RFX3: variants seen among roughly 807,000 people sequenced by gnomAD.
The protein encoded by RFX3 is regulatory factor X3, also known as transcription factor RFX3.
RFX3 carries 14 observed loss-of-function variants against 98.6 expected under a neutral mutation model. That is an observed-to-expected ratio of 0.14 (90% CI 0.09 to 0.22). The LOEUF is 0.22. Among genes scored for constraint, RFX3 ranks in the 10% least tolerant of loss-of-function variants. The pLI, the probability that RFX3 is intolerant of heterozygous loss-of-function variation, is 1.00. For missense variants in RFX3, 639 were observed against 926.9 expected, an observed-to-expected ratio of 0.69 and a Z score of 4.03; for synonymous variants, 383 against 328.4, an observed-to-expected ratio of 1.17 and a Z score of -1.80.
chr9:3,283,604 G>A (rs1028751079), intron 7 of RFX3, among the ~76,000 whole-genome samples: 5 of 151,738 alleles, frequency 3.3e-5, no homozygotes, highest in Non-Finnish European at 5.9e-5. Context: ...GAACGTGCAT[G>A]CTTTTACATC....
At chr9:3,482,061 T>C (rs1026540319) in intron 1 of RFX3, among the ~76,000 whole-genome samples, 2 of 151,904 alleles carry the variant, frequency 1.3e-5, no homozygotes, top group African/African-American at 2.4e-5. Context: ...AAGAAAATAA[T>C]TGGACAGCTA....
chr9:3,451,603 G>A (rs2132872209), intron 1 of RFX3, among the ~76,000 whole-genome samples: 1 of 152,202 alleles, frequency 6.6e-6, no homozygotes, highest in South Asian at 2.1e-4. Flanking sequence ...AATTTCTTGT[G>A]CAGAAGCATT....
chr9:3,501,497 G>C (rs187340485), intron 1 of RFX3, among the ~76,000 whole-genome samples: 27 of 147,814 alleles, frequency 1.8e-4, no homozygotes, highest in Non-Finnish European at 3.6e-4. Context: ...TCAACAATTT[G>C]TTTAGCCAAG....
At chr9:3,328,047 T>C (rs1207506273) in intron 4 of RFX3, among the ~76,000 whole-genome samples, 3 of 152,058 alleles carry the variant, frequency 2.0e-5, no homozygotes, top group African/African-American at 7.2e-5. Context: ...GGTATCAGAA[T>C]CAGCATGAAG....
intron 4 of RFX3, among the ~76,000 whole-genome samples, chr9:3,309,493 G>A (rs749964693): frequency 6.6e-6 from 1 of 151,814 alleles, no homozygotes; most frequent in Non-Finnish European, 1.5e-5. Context: ...GAGCCACCCT[G>A]AGGCTTGTGC....
chr9:3,499,106 A>G (rs1176462142), intron 1 of RFX3, among the ~76,000 whole-genome samples: 1 of 152,124 alleles, frequency 6.6e-6, no homozygotes, highest in Non-Finnish European at 1.5e-5. Flanking sequence ...CTAATTTGGT[A>G]AAACAAACAA....
At chr9:3,486,128 C>CAAAA (rs772747349) in intron 1 of RFX3, among the ~76,000 whole-genome samples, 26 of 49,154 alleles carry the variant, frequency 5.3e-4, no homozygotes, top group African/African-American at 5.8e-4. Flanking sequence ...TGTCTCAAAC[C>CAAAA]AAAAAAAAAA....
intron 1 of RFX3, among the ~76,000 whole-genome samples, chr9:3,423,940 G>A (rs1301184156): frequency 6.6e-6 from 1 of 151,594 alleles, no homozygotes; most frequent in East Asian, 1.9e-4. Context: ...AAGGTCAGGA[G>A]ATCGAGACCA....
intron 11 of RFX3, among the ~76,000 whole-genome samples, chr9:3,267,642 T>A (rs574768901): frequency 6.6e-6 from 1 of 151,926 alleles, no homozygotes; most frequent in East Asian, 1.9e-4. Context: ...ACCACGAGGA[T>A]CATCTACTGG....
At chr9:3,349,521 G>A (rs1038688536) in intron 2 of RFX3, among the ~76,000 whole-genome samples, 1 of 151,858 alleles carries the variant, frequency 6.6e-6, no homozygotes, top group Non-Finnish European at 1.5e-5. Flanking sequence ...TATAAAACAG[G>A]CAATATATTT....
intron 1 of RFX3, among the ~76,000 whole-genome samples, chr9:3,491,413 C>T (rs574390477): frequency 3.0e-4 from 46 of 152,200 alleles, no homozygotes; most frequent in Non-Finnish European, 6.0e-4. Flanking sequence ...TGACATGAGG[C>T]CTTATATGTT....
chr9:3,249,270 T>G (rs994466529), intron 14 of RFX3, among the ~76,000 whole-genome samples: 6 of 152,304 alleles, frequency 3.9e-5, no homozygotes, highest in Middle Eastern at 3.4e-3. Flanking sequence ...TAGAGGCTAC[T>G]AATACATCAA....
intron 2 of RFX3, among the ~76,000 whole-genome samples, chr9:3,359,278 T>A (rs74709399): frequency 6.6e-6 from 1 of 152,004 alleles, no homozygotes; most frequent in Non-Finnish European, 1.5e-5. Flanking sequence ...ATTCTACCAG[T>A]GAGAAGTTAA....
At chr9:3,350,841 GA>G (rs1835021684) in intron 2 of RFX3, among the ~76,000 whole-genome samples, 1 of 152,088 alleles carries the variant, frequency 6.6e-6, no homozygotes, top group Non-Finnish European at 1.5e-5. Flanking sequence ...AAGGTAATCT[GA>G]AAAGGTTACA....
At chr9:3,469,758 A>C (rs1277227219) in intron 1 of RFX3, among the ~76,000 whole-genome samples, 1 of 151,962 alleles carries the variant, frequency 6.6e-6, no homozygotes, top group Admixed American at 6.6e-5. Context: ...CAAAATAATT[A>C]TAGTTTTAAA....
chr9:3,500,642 C>T (rs1030131435), intron 1 of RFX3, among the ~76,000 whole-genome samples: 2 of 152,038 alleles, frequency 1.3e-5, no homozygotes, highest in Non-Finnish European at 1.5e-5. Flanking sequence ...TCCATAGGGC[C>T]TAATGTATGA....
intron 1 of RFX3, among the ~76,000 whole-genome samples, chr9:3,516,829 C>T (rs547844547): frequency 6.6e-6 from 1 of 152,252 alleles, no homozygotes; most frequent in Admixed American, 6.5e-5. Context: ...GGAGGAGCCC[C>T]AAATGTCAGA....
chr9:3,224,958 C>T lies in RFX3; in HGVS notation c.*84G>A, dbSNP rs1357340210. On this transcript the variant is annotated 3_prime_UTR_variant, in exon 17 of 17. Transcript: ENST00000617270. ...AGCACAGATAGAATTTGACAACAGT[C>T]GACCTTCAGGCTTATTAAATTTTCA... is the stretch of plus-strand genomic sequence containing the variant. The T allele has an allele frequency of 5.1e-5, 68 of 1,325,194 alleles. No homozygotes were observed. The highest frequency in any genetic ancestry group is 1.3e-4 in the Admixed American group (7 of 53,160). 82.1% of individuals were successfully genotyped at this position (1,325,194 alleles called of 1,614,324 possible).
intron 4 of RFX3, among the ~76,000 whole-genome samples, chr9:3,309,058 TACAA>T (rs1407144323): frequency 3.3e-5 from 5 of 152,126 alleles, no homozygotes; most frequent in Non-Finnish European, 7.3e-5. Context: ...AATATGACCA[TACAA>T]ACAATCACCT....
Sources: gnomAD v4.1 joint callset for allele counts (sites outside exome capture counted in the v4.1 genomes callset) on GRCh38, gnomAD v4.1.1 for gene constraint, MANE v1.5 for transcripts, NCBI Gene and HGNC (gene_info 2026-07-23, HGNC 2026-07-21) for gene names.